The following ATP8B1 variants were observed in gnomAD, a reference collection of about 807,000 sequenced individuals.
ATP8B1 encodes the protein ATPase phospholipid transporting 8B1.
ATP8B1 carries 80 observed loss-of-function variants against 149.9 expected under a neutral mutation model. The observed-to-expected ratio is 0.53, with a 90% CI of 0.45 to 0.64. ATP8B1 has a LOEUF of 0.64. Ranked by LOEUF, ATP8B1 falls within the 30% of genes least tolerant of loss-of-function variation. The probability of loss-of-function intolerance (pLI) is 0.00; values close to 1 mark genes in which losing one functional copy is unlikely to be tolerated. For synonymous variants in ATP8B1, 536 were observed against 562.8 expected (o/e 0.95, Z 0.67); for missense variants, 1,247 against 1,552.6 (o/e 0.80, Z 3.31).
intron 1 of ATP8B1, among the ~76,000 whole-genome samples, chr18:57,780,933 A>G (rs1011175509): frequency 3.3e-5 from 5 of 152,210 alleles, no homozygotes; most frequent in African/African-American, 1.2e-4. Context: ...TTTCTACAGA[A>G]GACAATTTCC....
intron 1 of ATP8B1, among the ~76,000 whole-genome samples, chr18:57,782,152 A>T (rs1041923986): frequency 6.6e-6 from 1 of 152,258 alleles, no homozygotes; most frequent in Non-Finnish European, 1.5e-5. Flanking sequence ...AATCCATTTA[A>T]TTGGAGAATG....
intron 1 of ATP8B1, among the ~76,000 whole-genome samples, chr18:57,756,297 G>GA (rs2080081188): frequency 9.1e-6 from 1 of 109,378 alleles, no homozygotes; most frequent in African/African-American, 4.0e-5. Context: ...ATGTGTGTGT[G>GA]TATGTATATA....
rs768539693 is a variant in ATP8B1 at position 57,688,472 on chromosome 18, A to C, written c.1256T>G (p.Ile419Ser). 1 of 1,614,086 alleles carries C rather than the reference A, an allele frequency of 6.2e-7. No homozygotes were observed. The highest frequency in any genetic ancestry group is 8.5e-7 in the Non-Finnish European group (1 of 1,180,048). The change falls in exon 13 of 28, where the codon ATC (isoleucine) becomes AGC (serine). Residue 419 changes from isoleucine to serine, a missense_variant. By Grantham distance (142) the Ile-to-Ser change is moderately radical (BLOSUM62 -2). Transcript: ENST00000648908. Reference protein sequence around the residue: ...EVIRLGQSHFINWDLQMYYAE... With the variant: ...EVIRLGQSHFSNWDLQMYYAE... ...ATAGTACATTTGCAGGTCCCAGTTG[A>C]TGAAGTGACTCTGTCCAAGACGAAT...
intron 21 of ATP8B1, among the ~76,000 whole-genome samples, 183 bp from the exon 22 acceptor site, chr18:57,661,645 ACG>A (rs1401242900): frequency 2.6e-3 from 356 of 136,558 alleles, no homozygotes; most frequent in South Asian, 6.3e-3. Flanking sequence ...GTATATACAC[ACG>A]CACACATATA....
intron 1 of ATP8B1, among the ~76,000 whole-genome samples, chr18:57,737,587 A>T (rs2079870883): frequency 7.0e-6 from 1 of 143,118 alleles, no homozygotes; most frequent in Non-Finnish European, 1.5e-5. Context: ...TCTTTTTTTT[A>T]AAGAGATAGG....
rs557489847 is a variant in ATP8B1 at position 57,748,463 on chromosome 18, T to G, written c.-25-16631A>C. ...AAACCTTGATCTTGAACTTCTGGCT[T>G]CCAGATTTGTGAGACAATAAGCTTC... On this transcript the variant is annotated intron_variant, in intron 1 of 27. Transcript: ENST00000648908. Among the ~76,000 whole-genome samples, 3 of 152,316 alleles carry G rather than the reference T, an allele frequency of 2.0e-5. No homozygotes were observed. The South Asian group carries it at 6.2e-4, about 32-fold the overall frequency.
chr18:57,702,572 A>G (rs1194957602), intron 4 of ATP8B1, among the ~76,000 whole-genome samples: 1 of 152,174 alleles, frequency 6.6e-6, no homozygotes, highest in Admixed American at 6.5e-5. Context: ...AGAGAAGATA[A>G]CTGCGCCAGG....
chr18:57,653,682 C>CTTTTTTTTTTT (rs71171057), intron 24 of ATP8B1, among the ~76,000 whole-genome samples: 8 of 117,822 alleles, frequency 6.8e-5, no homozygotes, highest in Admixed American at 9.3e-5. Context: ...CCTCTTTTCT[C>CTTTTTTTTTTT]TTTTTTTTTT....
At chr18:57,794,491 T>G (rs1012623826) in intron 1 of ATP8B1, among the ~76,000 whole-genome samples, 3 of 143,276 alleles carry the variant, frequency 2.1e-5, no homozygotes, top group Non-Finnish European at 1.5e-5. Flanking sequence ...AAAAAGTCAA[T>G]TCTATGGAAT....
At chr18:57,789,678 G>T (rs1486680492) in intron 1 of ATP8B1, among the ~76,000 whole-genome samples, 1 of 152,144 alleles carries the variant, frequency 6.6e-6, no homozygotes, top group Non-Finnish European at 1.5e-5. Flanking sequence ...ATGTATGGTG[G>T]TCTTGTCCAC....
At position 57,693,342 on chromosome 18, in the gene ATP8B1, G is replaced by T. The variant is rs9962109; in HGVS notation, c.1029+1240C>A. ...CTTCCTCCGAAGGCCGGCTTGCAAG[G>T]TTCGCCCTGGGCTGGTATCTGGTAA... is the stretch of plus-strand genomic sequence containing the variant. On this transcript the variant is annotated intron_variant, in intron 11 of 27. Coordinates refer to ENST00000648908, the MANE Select transcript of ATP8B1 (RefSeq NM_001374385.1). Among the ~76,000 whole-genome samples the T allele has an allele frequency of 8.0e-3, 1,215 of 152,252 alleles. 23 individuals carry two copies. The highest frequency in any genetic ancestry group is 0.028 in the African/African-American group (1,158 of 41,538).
At chr18:57,716,550 C>T (rs565102459) in intron 2 of ATP8B1, among the ~76,000 whole-genome samples, 44 of 152,054 alleles carry the variant, frequency 2.9e-4, no homozygotes, top group African/African-American at 7.2e-4. Flanking sequence ...TTATATCAGA[C>T]AAAATAGATT....
At position 57,662,370 on chromosome 18, in the gene ATP8B1, T is replaced by C. The variant is rs1910515696; in HGVS notation, c.2418+113A>G. On this transcript the variant is annotated intron_variant, in intron 21 of 27. Transcript: ENST00000648908. ...AACTTGGAAAAACCACACTTTCATG[T>C]ATAGGCTAAGAGACTTTTAGGTTGG... The C allele has an allele frequency of 4.6e-6, 6 of 1,313,240 alleles. No homozygotes were observed. The East Asian group carries it at 1.5e-4, about 32-fold the overall frequency. 81.3% of individuals were successfully genotyped at this position (1,313,240 alleles called of 1,614,324 possible).
intron 3 of ATP8B1, among the ~76,000 whole-genome samples, 168 bp from the exon 4 acceptor site, chr18:57,704,836 C>T (rs968496261): frequency 6.6e-6 from 1 of 152,174 alleles, no homozygotes; most frequent in Admixed American, 6.6e-5. Flanking sequence ...GCAATCCCAG[C>T]GCTTTGGGAG....
chr18:57,655,240 G>A lies in ATP8B1; in HGVS notation c.2885C>T (p.Thr962Ile). 6.2e-7 allele frequency: 1 copy of A among 1,614,168 alleles called. No homozygotes were observed. Among genetic ancestry groups the A allele is most frequent in the East Asian group, 2.2e-5 (1 of 44,890 alleles). ...RYFFYKNFAF[T>I]LVHFWYSFFN... ...GAAGGAGTACCAGAAATGAACCAAA[G>A]TAAAGGCAAAGTTTTTGTAAAAGAA... Residue 962 changes from threonine (T) to isoleucine (I), a missense_variant, in exon 23 of 28, where the codon ACT becomes ATT. Physicochemically the swap from Thr to Ile is moderately conservative, Grantham distance 89 (BLOSUM62 -1). Around this residue, in one of 3 missense-constraint regions of ATP8B1, gnomAD observed 230 missense variants for 356.6 expected, o/e 0.65. Transcript: ENST00000648908.
intron 2 of ATP8B1, among the ~76,000 whole-genome samples, chr18:57,727,353 A>T (rs1226133557): frequency 6.6e-6 from 1 of 152,218 alleles, no homozygotes; most frequent in African/African-American, 2.4e-5. Flanking sequence ...CAGCTCCCTC[A>T]GCACTTTTCA....
chr18:57,757,847 T>G (rs1362479050), intron 1 of ATP8B1, among the ~76,000 whole-genome samples: 1 of 152,174 alleles, frequency 6.6e-6, no homozygotes, highest in African/African-American at 2.4e-5. Flanking sequence ...ATGGAGCATA[T>G]CTCATAGAAT....
chr18:57,774,434 C>CAAA (rs2080289447), intron 1 of ATP8B1, among the ~76,000 whole-genome samples: 1 of 152,130 alleles, frequency 6.6e-6, no homozygotes, highest in Non-Finnish European at 1.5e-5. Context: ...CCCGTCTCTA[C>CAAA]AAAAATACAA....
At chr18:57,688,179 G>T (rs1912350025) in intron 13 of ATP8B1, 120 bp downstream of exon 13, 3 of 1,110,672 alleles carry the variant, frequency 2.7e-6, no homozygotes, top group Non-Finnish European at 2.7e-6. Flanking sequence ...GGCCCTAGCA[G>T]CAGGACTCTG....
Sources: gnomAD v4.1 joint callset for allele counts (sites outside exome capture counted in the v4.1 genomes callset) on GRCh38, gnomAD v4.1.1 for gene constraint, gnomAD v4.1.1 regional missense constraint, MANE v1.5 for transcripts, NCBI Gene and HGNC (gene_info 2026-07-23, HGNC 2026-07-21) for gene names.